SAMMSON: variants seen among roughly 807,000 people sequenced by gnomAD.
The protein encoded by SAMMSON is survival associated mitochondrial melanoma specific oncogenic non-coding RNA.
At chr3:70,342,371 T>C (rs1702717551) in intron 7 of SAMMSON, among the ~76,000 whole-genome samples, 1 of 152,186 alleles carries the variant, frequency 6.6e-6, no homozygotes, top group Non-Finnish European at 1.5e-5. Context: ...AAGTGGAAAA[T>C]TTTGAAAGCT....
chr3:70,262,921 T>A (rs1171449706), intron 6 of SAMMSON, among the ~76,000 whole-genome samples: 1 of 152,244 alleles, frequency 6.6e-6, no homozygotes, highest in Non-Finnish European at 1.5e-5. Flanking sequence ...GGATAGTTTC[T>A]GTTGCTACAT....
chr3:70,045,148 TATTA>T (rs2107587675), intron 3 of SAMMSON, among the ~76,000 whole-genome samples: 1 of 131,552 alleles, frequency 7.6e-6, no homozygotes, highest in Non-Finnish European at 1.6e-5. Flanking sequence ...AATTTATATA[TATTA>T]ATTATAATAT....
At chr3:70,286,250 G>A (rs1219728109) in intron 6 of SAMMSON, among the ~76,000 whole-genome samples, 2 of 152,196 alleles carry the variant, frequency 1.3e-5, no homozygotes, top group East Asian at 3.8e-4. Flanking sequence ...GTGTAAGGAA[G>A]GGATCCAGTT....
At chr3:70,348,930 T>C (rs1424441796) in intron 7 of SAMMSON, among the ~76,000 whole-genome samples, 3 of 152,148 alleles carry the variant, frequency 2.0e-5, no homozygotes, top group African/African-American at 7.2e-5. Context: ...CTCTCCCTTA[T>C]TTTTTCAGGC....
chr3:70,152,597 G>A (rs1034000927), intron 4 of SAMMSON, among the ~76,000 whole-genome samples: 1 of 152,002 alleles, frequency 6.6e-6, no homozygotes. Context: ...ATCACTAAAA[G>A]TGGGTGGCAA....
At chr3:70,324,743 T>G (rs1236147561) in intron 7 of SAMMSON, among the ~76,000 whole-genome samples, 1 of 152,120 alleles carries the variant, frequency 6.6e-6, no homozygotes, top group Admixed American at 6.6e-5. Flanking sequence ...TCCAGTACTT[T>G]TCAGAAGATC....
intron 4 of SAMMSON, among the ~76,000 whole-genome samples, chr3:70,181,775 C>T (rs1001684503): frequency 6.6e-6 from 1 of 152,208 alleles, no homozygotes; most frequent in Non-Finnish European, 1.5e-5. Context: ...CATTTTCACA[C>T]TTTCATGCGA....
At chr3:70,103,347 G>A (rs763911425) in intron 4 of SAMMSON, among the ~76,000 whole-genome samples, 4 of 152,168 alleles carry the variant, frequency 2.6e-5, no homozygotes, top group Non-Finnish European at 5.9e-5. Flanking sequence ...GGGAAGAAAC[G>A]AAGGCTATGG....
rs955965438 is a variant in SAMMSON, at chr3:70,232,641, G to A, written n.508-16466G>A. 3.9e-5 allele frequency among the ~76,000 whole-genome samples: 6 copies of A among 151,966 alleles called. No homozygotes were observed. The East Asian group carries it at 9.7e-4, about 25-fold the overall frequency. On this transcript the variant is annotated intron_variant and non_coding_transcript_variant, in intron 4 of 9. Transcript: ENST00000642114. ...TCTCAATCTCCTGAGCTCGTGATCC[G>A]CCCGCCTCAGCCTCCCAAAGTGCTT...
chr3:70,358,513 T>C (rs1559571885), intron 9 of SAMMSON, among the ~76,000 whole-genome samples: 1 of 152,112 alleles, frequency 6.6e-6, no homozygotes, highest in Non-Finnish European at 1.5e-5. Flanking sequence ...CTTCTGGTTG[T>C]TGGCTCATGG....
intron 6 of SAMMSON, among the ~76,000 whole-genome samples, chr3:70,264,302 T>G (rs1054547772): frequency 1.3e-5 from 2 of 152,234 alleles, no homozygotes; most frequent in African/African-American, 4.8e-5. Flanking sequence ...TTTTGCAATT[T>G]GCCACAATGC....
chr3:70,366,497 T>G (rs998628834), intron 9 of SAMMSON, among the ~76,000 whole-genome samples: 7 of 149,238 alleles, frequency 4.7e-5, no homozygotes, highest in East Asian at 1.9e-4. Context: ...TTTATGTTTT[T>G]TTTTTTTTTT....
chr3:70,261,825 T>G (rs116174083), intron 6 of SAMMSON, among the ~76,000 whole-genome samples: 70 of 152,286 alleles, frequency 4.6e-4, no homozygotes, highest in African/African-American at 1.7e-3. Flanking sequence ...AAGACTAGGA[T>G]GTGACTGGAA....
At chr3:70,097,419 A>C (rs189254175) in intron 4 of SAMMSON, among the ~76,000 whole-genome samples, 1 of 152,248 alleles carries the variant, frequency 6.6e-6, no homozygotes, top group Non-Finnish European at 1.5e-5. Context: ...ATTACCTGCT[A>C]TTAGGAAAAC....
chr3:70,063,880 G>C (rs573832772), intron 3 of SAMMSON, among the ~76,000 whole-genome samples: 1 of 152,210 alleles, frequency 6.6e-6, no homozygotes, highest in African/African-American at 2.4e-5. Flanking sequence ...CATATCTTAA[G>C]TATCATTAGC....
chr3:70,272,750 C>T (rs1414435709), intron 6 of SAMMSON, among the ~76,000 whole-genome samples: 3 of 152,184 alleles, frequency 2.0e-5, no homozygotes, highest in Admixed American at 1.3e-4. Context: ...ATTATCCTTC[C>T]TCTAAATTCC....
At chr3:70,182,477 T>G (rs1025683499) in intron 4 of SAMMSON, among the ~76,000 whole-genome samples, 6 of 152,056 alleles carry the variant, frequency 3.9e-5, no homozygotes, top group Non-Finnish European at 8.8e-5. Flanking sequence ...ACAATTGGAA[T>G]TAGGAGAGCT....
intron 9 of SAMMSON, among the ~76,000 whole-genome samples, chr3:70,374,272 G>T (rs996649633): frequency 6.6e-6 from 1 of 152,114 alleles, no homozygotes; most frequent in African/African-American, 2.4e-5. Context: ...CTCACTGTTT[G>T]TGTCTATTGA....
At chr3:70,204,805 T>G (rs138428206) in intron 4 of SAMMSON, 1 of 152,126 alleles carries the variant, frequency 6.6e-6, no homozygotes, top group African/African-American at 2.4e-5. Context: ...ATAGGTCAGA[T>G]CAGAGTGATT....
Sources: allele counts gnomAD v4.1 joint callset (sites outside exome capture counted in the v4.1 genomes callset), GRCh38; gene constraint gnomAD v4.1.1; transcripts MANE v1.5; gene names NCBI Gene and HGNC (gene_info 2026-07-23, HGNC 2026-07-21).